Variants in AOAH observed in about 807,000 individuals in gnomAD.
AOAH encodes the protein acyloxyacyl hydrolase, also known as acyloxyacyl hydrolase (neutrophil).
Under a neutral mutation model 92.2 loss-of-function variants are expected in AOAH, and 64 were observed. That is an observed-to-expected ratio of 0.69 (90% CI 0.57 to 0.86). AOAH has a LOEUF of 0.86. Ranked by LOEUF, AOAH falls within the 40% of genes least tolerant of loss-of-function variation. AOAH has a pLI of 0.00. For synonymous variants in AOAH, 263 were observed against 254.5 expected (o/e 1.03, Z -0.32); for missense variants, 656 against 694.6 (o/e 0.94, Z 0.62).
intron 6 of AOAH, among the ~76,000 whole-genome samples, chr7:36,631,190 A>T (rs1793055817): frequency 6.6e-6 from 1 of 152,106 alleles, no homozygotes; most frequent in Non-Finnish European, 1.5e-5. Flanking sequence ...TACTAAAAAT[A>T]CAAAAAATTA....
intron 4 of AOAH, among the ~76,000 whole-genome samples, chr7:36,647,765 G>A (rs1270204253): frequency 6.6e-6 from 1 of 151,614 alleles, no homozygotes; most frequent in African/African-American, 2.4e-5. Context: ...GAAATGCTTG[G>A]AGAAAAGATG....
intron 1 of AOAH, among the ~76,000 whole-genome samples, chr7:36,721,051 A>G (rs182373517): frequency 2.0e-5 from 3 of 152,072 alleles, no homozygotes; most frequent in Non-Finnish European, 4.4e-5. Context: ...TGCTTCCCAC[A>G]TACAACCCTT....
chr7:36,551,838 A>AT (rs545020266), intron 13 of AOAH, among the ~76,000 whole-genome samples: 100 of 152,120 alleles, frequency 6.6e-4, no homozygotes, highest in African/African-American at 2.2e-3. Flanking sequence ...ACTATGTTTA[A>AT]TTTTTTTTAG....
At chr7:36,555,916 T>C (rs1158821781) in intron 13 of AOAH, among the ~76,000 whole-genome samples, 1 of 152,238 alleles carries the variant, frequency 6.6e-6, no homozygotes, top group Non-Finnish European at 1.5e-5. Context: ...TCAATTTTGT[T>C]GATCCTTTCA....
chr7:36,620,926 AC>A, intron 8 of AOAH, 97 bp from the exon 9 acceptor site: 1 of 1,132,714 alleles, frequency 8.8e-7, no homozygotes, highest in Non-Finnish European at 1.3e-6. Flanking sequence ...AATGAATGCT[AC>A]ACGAAGTGCC....
At chr7:36,525,013 C>A (rs1216121417) in intron 19 of AOAH, among the ~76,000 whole-genome samples, 1 of 152,142 alleles carries the variant, frequency 6.6e-6, no homozygotes, top group Non-Finnish European at 1.5e-5. Context: ...TCAGACAGAG[C>A]CTACTAAAAA....
chr7:36,684,375 AGAT>A (rs1439662274), intron 2 of AOAH, among the ~76,000 whole-genome samples: 1 of 152,212 alleles, frequency 6.6e-6, no homozygotes, highest in Non-Finnish European at 1.5e-5. Flanking sequence ...GCTTGCTGTG[AGAT>A]GATAACAGAA....
intron 1 of AOAH, among the ~76,000 whole-genome samples, chr7:36,709,474 C>T (rs1798626954): frequency 6.6e-6 from 1 of 152,172 alleles, no homozygotes; most frequent in South Asian, 2.1e-4. Flanking sequence ...TGATGATTTC[C>T]TGCGCCCTGA....
chr7:36,517,208 T>TCTCTC (rs1783799302), intron 20 of AOAH, among the ~76,000 whole-genome samples: 3 of 67,856 alleles, frequency 4.4e-5, no homozygotes, highest in African/African-American at 1.3e-4. Flanking sequence ...CTTTCTTTCT[T>TCTCTC]TCTTTCTCTT....
intron 14 of AOAH, among the ~76,000 whole-genome samples, chr7:36,549,142 CA>C (rs1161581465): frequency 6.6e-6 from 1 of 152,156 alleles, no homozygotes; most frequent in East Asian, 1.9e-4. Flanking sequence ...TTTCAAGCCC[CA>C]AATAAGCATA....
Position 36,623,295 on chromosome 7 carries a change from T to G in AOAH, c.522-45A>C, listed in dbSNP as rs754352412. 5 of 1,563,634 alleles carry G rather than the reference T, an allele frequency of 3.2e-6. No homozygotes were observed. In the Admixed American group the frequency reaches 8.4e-5, roughly 26 times the overall value. ...ACAATCGGTGAGCTAACAAAAAAAG[T>G]AACAGTGTTGGTGAAAACAAATAGA... On this transcript the variant is annotated intron_variant, in intron 6 of 20. Coordinates refer to ENST00000617537, the MANE Select transcript of AOAH (RefSeq NM_001637.4).
At chr7:36,707,891 T>C (rs1287791636) in intron 1 of AOAH, among the ~76,000 whole-genome samples, 3 of 152,044 alleles carry the variant, frequency 2.0e-5, no homozygotes, top group African/African-American at 7.2e-5. Context: ...TTTTTCTGTT[T>C]CCCAGGCTCA....
chr7:36,601,123 T>G (rs968671653), intron 11 of AOAH, among the ~76,000 whole-genome samples: 2 of 152,094 alleles, frequency 1.3e-5, no homozygotes, highest in African/African-American at 4.8e-5. Flanking sequence ...TCTGGGAGAA[T>G]AGAGAGAGGA....
chr7:36,544,262 T>G (rs1204087729), intron 15 of AOAH, among the ~76,000 whole-genome samples: 1 of 152,166 alleles, frequency 6.6e-6, no homozygotes, highest in African/African-American at 2.4e-5. Flanking sequence ...AATTTTTCAA[T>G]GCCATTTTGA....
chr7:36,650,136 CGGCCCACCACCGTCTTGGAAGT>C (rs1235536192), intron 4 of AOAH, among the ~76,000 whole-genome samples: 2 of 14,306 alleles, frequency 1.4e-4, no homozygotes, highest in South Asian at 1.7e-3. Context: ...GTCTTGGAAG[CGGCCCACCACCGTCTTGGAAGT>C]GGCCCACCAC....
intron 2 of AOAH, among the ~76,000 whole-genome samples, chr7:36,676,286 C>G (rs529210824): frequency 2.0e-5 from 3 of 152,136 alleles, no homozygotes; most frequent in Admixed American, 6.5e-5. Flanking sequence ...GATCAATATG[C>G]AAAACCAATT....
intron 1 of AOAH, among the ~76,000 whole-genome samples, chr7:36,721,050 C>T (rs543573184): frequency 6.6e-6 from 1 of 152,296 alleles, no homozygotes; most frequent in South Asian, 2.1e-4. Context: ...ATGCTTCCCA[C>T]ATACAACCCT....
intron 3 of AOAH, among the ~76,000 whole-genome samples, chr7:36,661,757 C>T (rs187567921): frequency 1.1e-3 from 167 of 152,256 alleles, no homozygotes; most frequent in Admixed American, 2.1e-3. Flanking sequence ...CTTTTAATCC[C>T]TGGCCTGAAT....
chr7:36,712,059 C>T (rs1798802641), intron 1 of AOAH, among the ~76,000 whole-genome samples: 1 of 152,212 alleles, frequency 6.6e-6, no homozygotes, highest in Non-Finnish European at 1.5e-5. Flanking sequence ...GTCTTATGAA[C>T]AAGCGTTTAG....
Sources: gnomAD v4.1 joint callset for allele counts (sites outside exome capture counted in the v4.1 genomes callset) on GRCh38, gnomAD v4.1.1 for gene constraint, MANE v1.5 for transcripts, NCBI Gene and HGNC (gene_info 2026-07-23, HGNC 2026-07-21) for gene names.